PEAK1: variants seen among roughly 807,000 people sequenced by gnomAD.
The protein encoded by PEAK1 is inactive tyrosine-protein kinase PEAK1.
PEAK1 carries 54 observed loss-of-function variants against 124.7 expected under a neutral mutation model. That is an observed-to-expected ratio of 0.43 (90% confidence interval 0.35 to 0.54). The LOEUF (loss-of-function observed/expected upper bound fraction) is 0.54. PEAK1 is among the 20% of genes least tolerant of loss of function. PEAK1 has a pLI of 0.01. For missense variants in PEAK1, 2,046 were observed against 2,134.5 expected (o/e 0.96, Z 0.82); for synonymous variants, 719 against 760.0 (o/e 0.95, Z 0.89).
chr15:77,142,066 A>C (rs1446721947), intron 8 of PEAK1, among the ~76,000 whole-genome samples: 7 of 152,218 alleles, frequency 4.6e-5, no homozygotes, highest in African/African-American at 1.7e-4. Flanking sequence ...ACAGAATGGG[A>C]GAAAATATGT....
intron 2 of PEAK1, among the ~76,000 whole-genome samples, chr15:77,360,017 A>G (rs2067779570): frequency 6.6e-6 from 1 of 152,202 alleles, no homozygotes. Context: ...CAATTTCAAA[A>G]CTTTATTATA....
chr15:77,417,755 T>A (rs1463717720), intron 1 of PEAK1: 1 of 985,316 alleles, frequency 1.0e-6, no homozygotes, highest in Admixed American at 6.1e-5. Context: ...CAAATCTCTC[T>A]CATGAAGCAA....
intron 1 of PEAK1, among the ~76,000 whole-genome samples, chr15:77,411,432 G>A (rs1011752432): frequency 7.9e-5 from 12 of 152,114 alleles, no homozygotes; most frequent in African/African-American, 1.7e-4. Context: ...AACAACCTCC[G>A]AAACTAATGT....
At chr15:77,211,281 T>C (rs572276219) in intron 6 of PEAK1, among the ~76,000 whole-genome samples, 7 of 152,294 alleles carry the variant, frequency 4.6e-5, no homozygotes, top group African/African-American at 7.2e-5. Context: ...TTTTATCTTA[T>C]AAGGTGTTTC....
intron 6 of PEAK1, among the ~76,000 whole-genome samples, chr15:77,221,614 G>A (rs1486768561): frequency 6.6e-6 from 1 of 152,050 alleles, no homozygotes; most frequent in Non-Finnish European, 1.5e-5. Flanking sequence ...CACATGTGCT[G>A]TTGGAAAAAA....
chr15:77,363,473 C>T (rs1351758167), intron 2 of PEAK1, among the ~76,000 whole-genome samples: 1 of 152,162 alleles, frequency 6.6e-6, no homozygotes, highest in Non-Finnish European at 1.5e-5. Flanking sequence ...TTCCTCCACT[C>T]CTAGCCTTTG....
chr15:77,118,807 A>G (rs1000412495), intron 9 of PEAK1, among the ~76,000 whole-genome samples: 1 of 152,248 alleles, frequency 6.6e-6, no homozygotes, highest in Non-Finnish European at 1.5e-5. Flanking sequence ...ATGGTCCTAC[A>G]TCTTCATTAA....
intron 1 of PEAK1, among the ~76,000 whole-genome samples, chr15:77,392,955 A>G (rs536236806): frequency 7.9e-5 from 12 of 152,290 alleles, no homozygotes; most frequent in African/African-American, 2.9e-4. Context: ...GAAGCTGTGC[A>G]CTTGCGGGGA....
At chr15:77,214,255 A>C (rs900065887) in intron 6 of PEAK1, among the ~76,000 whole-genome samples, 1 of 152,052 alleles carries the variant, frequency 6.6e-6, no homozygotes, top group Admixed American at 6.6e-5. Flanking sequence ...CAGTTGGGTA[A>C]ATACCTTTGT....
Position 77,158,700 on chromosome 15 carries a change from A to T in PEAK1, c.3138-4T>A. 6.2e-7 allele frequency: 1 copy of T among 1,610,726 alleles called. No homozygotes were observed. Among genetic ancestry groups the T allele is most frequent in the African/African-American group, 1.3e-5 (1 of 75,020 alleles). On this transcript the variant is annotated splice_region_variant and splice_polypyrimidine_tract_variant and intron_variant, in intron 7 of 9. Transcript: ENST00000682557. ...TGTTACTTCATGGGTCATGTGACTG[A>T]AACAAATCAGACCACTTGTCACACT...
intron 7 of PEAK1, among the ~76,000 whole-genome samples, chr15:77,167,308 T>C (rs182283927): frequency 5.1e-4 from 78 of 152,280 alleles, no homozygotes; most frequent in Admixed American, 4.6e-3. Context: ...TCAGTTTACT[T>C]CTCTGGGATT....
At chr15:77,402,577 T>C in intron 1 of PEAK1, 1 of 978,252 alleles carries the variant, frequency 1.0e-6, no homozygotes, top group South Asian at 4.7e-5. Context: ...TGTCATCAAA[T>C]AATGAAAGAT....
chr15:77,313,692 GTATA>G (rs1555478058), intron 2 of PEAK1, among the ~76,000 whole-genome samples: 1 of 98,810 alleles, frequency 1.0e-5, no homozygotes, highest in Non-Finnish European at 2.0e-5. Context: ...GTGTGTGTGT[GTATA>G]TATATATATG....
chr15:77,412,858 A>G (rs1203629172), intron 1 of PEAK1, among the ~76,000 whole-genome samples: 1 of 152,182 alleles, frequency 6.6e-6, no homozygotes, highest in Non-Finnish European at 1.5e-5. Context: ...CATACGCATA[A>G]AAAAAGGATA....
chr15:77,397,968 C>T (rs573997347), intron 1 of PEAK1, among the ~76,000 whole-genome samples: 6 of 152,040 alleles, frequency 3.9e-5, no homozygotes, highest in Non-Finnish European at 8.8e-5. Flanking sequence ...GGGAGGCTGA[C>T]GCAGGAGAAT....
intron 1 of PEAK1, among the ~76,000 whole-genome samples, chr15:77,415,497 G>C (rs2072803218): frequency 1.3e-5 from 2 of 152,094 alleles, no homozygotes; most frequent in Non-Finnish European, 2.9e-5. Context: ...CTGGGTTCAA[G>C]CGATCCTCCT....
At chr15:77,404,118 C>T (rs1394489331) in intron 1 of PEAK1, 1 of 984,954 alleles carries the variant, frequency 1.0e-6, no homozygotes, top group Non-Finnish European at 1.2e-6. Context: ...TAGACAACTA[C>T]AAATTTAACA....
chr15:77,418,089 A>T (rs760405812), intron 1 of PEAK1: 120 of 984,468 alleles, frequency 1.2e-4, no homozygotes, highest in Non-Finnish European at 1.4e-4. Context: ...GACTCTTAAA[A>T]ATGAATTTTG....
Position 77,111,995 on chromosome 15 carries a change from A to G in PEAK1, c.*2161T>C, listed in dbSNP as rs1212314238. On this transcript the variant is annotated 3_prime_UTR_variant, in exon 10 of 10. Transcript: ENST00000682557. ...GCAAGGAGTTATGTGCACATGTTCT[A>G]TGCTAAGATGAACCAAACACCAACC... 5 of 152,216 alleles carry G rather than the reference A, an allele frequency of 3.3e-5. No homozygotes were observed. The highest frequency in any genetic ancestry group is 7.3e-5 in the Non-Finnish European group (5 of 68,080). 9.4% of individuals were successfully genotyped at this position (152,216 alleles called of 1,614,324 possible). A position where few individuals can be genotyped will look rare whatever the true frequency, so the allele number is the denominator to read the frequency against.
Sources: allele counts gnomAD v4.1 joint callset (sites outside exome capture counted in the v4.1 genomes callset), GRCh38; gene constraint gnomAD v4.1.1; transcripts MANE v1.5; gene names NCBI Gene and HGNC (gene_info 2026-07-23, HGNC 2026-07-21).